Variants in NBAS observed in about 807,000 individuals in gnomAD.
NBAS encodes NAG/BC035112 fusion.
NBAS carries 219 observed loss-of-function variants against 302.5 expected under a neutral mutation model. The observed-to-expected ratio is 0.72, with a 90% CI of 0.65 to 0.81. The LOEUF (loss-of-function observed/expected upper bound fraction) is 0.81. NBAS is among the 30% of genes least tolerant of loss of function. The pLI, the probability that NBAS is intolerant of heterozygous loss-of-function variation, is 0.00. For synonymous variants in NBAS, 1,118 were observed against 1,021.6 expected, an observed-to-expected ratio of 1.09 and a Z score of -1.80; for missense variants, 2,932 against 2,841.6, an observed-to-expected ratio of 1.03 and a Z score of -0.72.
intron 35 of NBAS, among the ~76,000 whole-genome samples, chr2:15,331,487 C>G (rs933811034): frequency 5.3e-5 from 8 of 152,176 alleles, no homozygotes; most frequent in African/African-American, 1.9e-4. Flanking sequence ...CTATCCACTT[C>G]CACTTACTAT....
At chr2:14,866,071 T>A in the NBAS span, among the ~76,000 whole-genome samples, 1 of 152,190 alleles carries the variant, frequency 6.6e-6, no homozygotes, top group Non-Finnish European at 1.5e-5. Context: ...ATGCTTTATC[T>A]GATTGGCAAA....
chr2:15,262,315 A>G (rs893046935), intron 44 of NBAS, among the ~76,000 whole-genome samples: 2 of 152,232 alleles, frequency 1.3e-5, no homozygotes, highest in African/African-American at 4.8e-5. Flanking sequence ...TCCGTGATGA[A>G]GCCTGCTGCT....
intron 30 of NBAS, among the ~76,000 whole-genome samples, chr2:15,376,510 G>T (rs977387523): frequency 6.6e-6 from 1 of 152,104 alleles, no homozygotes; most frequent in African/African-American, 2.4e-5. Context: ...TAGGAGAAAA[G>T]AAAGAGCTAA....
At chr2:15,236,877 A>G (rs1483509249) in intron 45 of NBAS, among the ~76,000 whole-genome samples, 2 of 152,110 alleles carry the variant, frequency 1.3e-5, no homozygotes, top group African/African-American at 4.8e-5. Context: ...AAAACACAAA[A>G]TGAATAAAAT....
Position 15,204,573 on chromosome 2 carries a change from G to A in NBAS, c.6433-14170C>T, listed in dbSNP as rs139191507. 3.1e-3 allele frequency among the ~76,000 whole-genome samples: 478 copies of A among 152,124 alleles called. 3 individuals are homozygous for A. Among genetic ancestry groups the A allele is most frequent in the African/African-American group, 0.01 (428 of 41,494 alleles). On this transcript the variant is annotated intron_variant, in intron 48 of 51. Transcript: ENST00000281513. ...GACACATGCACACGTATGTTTTTGC[G>A]GCACTATTCACAATAGCAAAGACTA...
At chr2:15,270,565 G>T (rs535465017) in intron 44 of NBAS, among the ~76,000 whole-genome samples, 1 of 152,174 alleles carries the variant, frequency 6.6e-6, no homozygotes. Context: ...AGCATCCTGA[G>T]ATCAAAAGTT....
At chr2:15,375,571 C>G (rs1192083559) in intron 30 of NBAS, among the ~76,000 whole-genome samples, 1 of 152,180 alleles carries the variant, frequency 6.6e-6, no homozygotes, top group Non-Finnish European at 1.5e-5. Flanking sequence ...TGTGCACTCA[C>G]ATCTACTGTT....
At chr2:14,848,681 G>C in the NBAS span, among the ~76,000 whole-genome samples, 19 of 148,172 alleles carry the variant, frequency 1.3e-4, no homozygotes, top group Non-Finnish European at 2.7e-4. Context: ...GTCCCTGTCT[G>C]ACAGCTTTGA....
chr2:15,409,953 G>A (rs552608882), intron 25 of NBAS, among the ~76,000 whole-genome samples: 1 of 152,142 alleles, frequency 6.6e-6, no homozygotes. Flanking sequence ...TTTATCACAG[G>A]TCACAGAGGC....
intron 44 of NBAS, among the ~76,000 whole-genome samples, chr2:15,251,686 C>G (rs1303085933): frequency 6.6e-6 from 1 of 152,146 alleles, no homozygotes; most frequent in Admixed American, 6.5e-5. Flanking sequence ...ACTGTCACGA[C>G]GCTGGTGGGA....
At chr2:14,790,113 C>T in the NBAS span, among the ~76,000 whole-genome samples, 1 of 152,238 alleles carries the variant, frequency 6.6e-6, no homozygotes, top group East Asian at 1.9e-4. Flanking sequence ...CAAGATTATA[C>T]AGCCAGGAAG....
At chr2:14,820,260 C>T in the NBAS span, among the ~76,000 whole-genome samples, 3 of 152,044 alleles carry the variant, frequency 2.0e-5, no homozygotes, top group Admixed American at 6.6e-5. Flanking sequence ...TTGGAAGCAA[C>T]GTAAGTGTTC....
the NBAS span, among the ~76,000 whole-genome samples, chr2:14,908,115 G>A: frequency 6.6e-6 from 1 of 152,224 alleles, no homozygotes; most frequent in Non-Finnish European, 1.5e-5. Flanking sequence ...TGTAATCCCA[G>A]CACTTTGGGA....
At chr2:15,008,982 T>C in the NBAS span, among the ~76,000 whole-genome samples, 2 of 152,164 alleles carry the variant, frequency 1.3e-5, no homozygotes, top group Admixed American at 1.3e-4. Flanking sequence ...ATTAAAGTGA[T>C]TTTCCCAAGG....
rs1015166282 is a variant in NBAS at position 15,415,404 on chromosome 2, T to C, written c.2937+142A>G. ...CCTTTTGACTATGCTGTTAAAACTTTTTAAACAATAAAATGACAATCATTT... is the reference window on the plus strand; with the variant it reads ...CCTTTTGACTATGCTGTTAAAACTTCTTAAACAATAAAATGACAATCATTT... On this transcript the variant is annotated intron_variant, in intron 25 of 51. Transcript: ENST00000281513. 31 of 801,828 alleles carry C rather than the reference T, an allele frequency of 3.9e-5. No homozygotes were observed. In the African/African-American group the frequency reaches 5.2e-4, roughly 14 times the overall value. The allele number at this position is 801,828 out of a possible 1,614,324, so 49.7% of individuals were successfully genotyped here. A position where few individuals can be genotyped will look rare whatever the true frequency, so the allele number is the denominator to read the frequency against.
intron 44 of NBAS, among the ~76,000 whole-genome samples, chr2:15,266,879 A>G (rs1395159737): frequency 1.3e-5 from 2 of 152,220 alleles, no homozygotes; most frequent in Non-Finnish European, 1.5e-5. Context: ...TCATATAGAT[A>G]GCTGTCCACA....
the NBAS span, among the ~76,000 whole-genome samples, chr2:15,028,963 C>A: frequency 1.3e-5 from 2 of 152,164 alleles, no homozygotes; most frequent in African/African-American, 4.8e-5. Context: ...TCATTCAGCA[C>A]TAAATTCTCA....
intron 4 of NBAS, among the ~76,000 whole-genome samples, chr2:15,553,797 C>CCTCT (rs1213635745): frequency 8.9e-6 from 1 of 112,908 alleles, no homozygotes; most frequent in Non-Finnish European, 1.9e-5. Flanking sequence ...TCCCTCCCTC[C>CCTCT]CTCTCTCCCT....
the NBAS span, among the ~76,000 whole-genome samples, chr2:15,151,841 G>A: frequency 6.6e-6 from 1 of 151,986 alleles, no homozygotes; most frequent in Non-Finnish European, 1.5e-5. Flanking sequence ...CCACTCAAGA[G>A]TCTTTTTTAT....
Sources: allele counts gnomAD v4.1 joint callset (sites outside exome capture counted in the v4.1 genomes callset), GRCh38; gene constraint gnomAD v4.1.1; transcripts MANE v1.5; gene names NCBI Gene and HGNC (gene_info 2026-07-23, HGNC 2026-07-21).